Variants in PLXNA4 observed in about 807,000 individuals in gnomAD.
PLXNA4 encodes plexin-A4.
PLXNA4 carries 44 observed loss-of-function variants against 191.8 expected under a neutral mutation model. The ratio of observed to expected loss-of-function variants is 0.23; its 90% confidence interval spans 0.18 to 0.29. The LOEUF is 0.29. Among genes scored for constraint, PLXNA4 ranks in the 10% least tolerant of loss-of-function variants. The probability of loss-of-function intolerance (pLI) is 1.00; values close to 1 mark genes in which losing one functional copy is unlikely to be tolerated. For missense variants in PLXNA4, 1,800 were observed against 2,488.8 expected (o/e 0.72, Z 5.89); for synonymous variants, 1,082 against 1,009.5 (o/e 1.07, Z -1.36).
chr7:132,251,219 T>A (rs543550368), intron 4 of PLXNA4, among the ~76,000 whole-genome samples: 1 of 152,240 alleles, frequency 6.6e-6, no homozygotes, highest in Admixed American at 6.5e-5. Flanking sequence ...CACATACAAG[T>A]CACCAACCCC....
At chr7:132,138,717 A>G (rs1172228478) in intron 30 of PLXNA4, among the ~76,000 whole-genome samples, 1 of 152,160 alleles carries the variant, frequency 6.6e-6, no homozygotes, top group Non-Finnish European at 1.5e-5. Context: ...CCTAAAAATA[A>G]CCCAATGGAC....
chr7:132,555,045 GA>G (rs1554467852), intron 1 of PLXNA4, among the ~76,000 whole-genome samples: 9 of 111,920 alleles, frequency 8.0e-5, no homozygotes, highest in African/African-American at 1.1e-4. Context: ...AAACCTGAAG[GA>G]AAAAAAAAAA....
At chr7:132,536,299 C>T (rs1563157996) in intron 1 of PLXNA4, among the ~76,000 whole-genome samples, 1 of 152,154 alleles carries the variant, frequency 6.6e-6, no homozygotes, top group Non-Finnish European at 1.5e-5. Context: ...CCGTCGTTCC[C>T]TATAAGTGAC....
At position 132,481,911 on chromosome 7, in the gene PLXNA4, C is replaced by T. The variant is rs549793110; in HGVS notation, c.1371+7381G>A. On this transcript the variant is annotated intron_variant, in intron 3 of 31. Transcript: ENST00000321063. ...GTGGGTGTGGCGACTGCTTCACAGC[C>T]TCCTGTTTATCCTCTGGATTCTCTA... Among the ~76,000 whole-genome samples, 12 of 152,286 alleles carry T rather than the reference C, an allele frequency of 7.9e-5. No homozygotes were observed. The South Asian group carries it at 2.1e-3, about 26-fold the overall frequency.
At chr7:132,374,848 C>T (rs1467431312) in intron 3 of PLXNA4, among the ~76,000 whole-genome samples, 1 of 152,152 alleles carries the variant, frequency 6.6e-6, no homozygotes, top group Admixed American at 6.5e-5. Context: ...AAAAGCATTC[C>T]AGCTTTCTGC....
chr7:132,173,002 T>C (rs1796339596), intron 21 of PLXNA4, among the ~76,000 whole-genome samples: 1 of 152,190 alleles, frequency 6.6e-6, no homozygotes, highest in South Asian at 2.1e-4. Context: ...TATTCAATCA[T>C]TTACCACTTC....
intron 2 of PLXNA4, among the ~76,000 whole-genome samples, chr7:132,600,305 G>A (rs1802792389): frequency 6.6e-6 from 1 of 152,134 alleles, no homozygotes; most frequent in Non-Finnish European, 1.5e-5. Flanking sequence ...GAGATAAGAT[G>A]TCTTTGGTTA....
At chr7:132,401,200 T>A (rs950284014) in intron 3 of PLXNA4, among the ~76,000 whole-genome samples, 1 of 152,234 alleles carries the variant, frequency 6.6e-6, no homozygotes, top group Non-Finnish European at 1.5e-5. Context: ...TTTGTGATAT[T>A]GTACTATAGT....
At chr7:132,573,005 T>C (rs932970694) in intron 1 of PLXNA4, among the ~76,000 whole-genome samples, 1 of 151,454 alleles carries the variant, frequency 6.6e-6, no homozygotes, top group Non-Finnish European at 1.5e-5. Context: ...TATTGATTTC[T>C]TGGAGTGCCG....
intron 3 of PLXNA4, among the ~76,000 whole-genome samples, chr7:132,312,647 G>T (rs932518307): frequency 7.2e-5 from 11 of 152,168 alleles, no homozygotes; most frequent in Non-Finnish European, 1.5e-4. Context: ...GAAAGCATGG[G>T]TTCCAGAGGC....
chr7:132,438,887 A>T (rs1167973247), intron 3 of PLXNA4, among the ~76,000 whole-genome samples: 1 of 152,222 alleles, frequency 6.6e-6, no homozygotes, highest in East Asian at 1.9e-4. Flanking sequence ...ACAGTAAGTC[A>T]TCGATGGACT....
At chr7:132,615,927 A>ATCTCTCTC (rs370549958) in intron 2 of PLXNA4, among the ~76,000 whole-genome samples, 1,994 of 83,722 alleles carry the variant, frequency 0.024, 73 homozygotes, top group East Asian at 0.065. Flanking sequence ...CAGATAAAGG[A>ATCTCTCTC]TCTCTCTCTC....
chr7:132,608,678 C>T (rs1802988678), intron 2 of PLXNA4, among the ~76,000 whole-genome samples: 2 of 152,144 alleles, frequency 1.3e-5, no homozygotes, highest in Non-Finnish European at 2.9e-5. Flanking sequence ...TCAACCCCTC[C>T]CAGCATCCCC....
chr7:132,405,033 A>G (rs1794154160), intron 3 of PLXNA4, among the ~76,000 whole-genome samples: 1 of 150,994 alleles, frequency 6.6e-6, no homozygotes. Context: ...TTTCAGCAAA[A>G]TAATAAGAGA....
intron 16 of PLXNA4, 118 bp from the exon 17 acceptor site, chr7:132,182,308 G>A (rs1160056415): frequency 1.4e-6 from 2 of 1,467,942 alleles, no homozygotes; most frequent in African/African-American, 1.4e-5. Flanking sequence ...GCAGGGTAAT[G>A]TTCATGGGGA....
In PLXNA4 at chr7:132,543,012, G is replaced by A. The variant is rs779520084; in HGVS notation, c.-87+33410C>T. On this transcript the variant is annotated intron_variant, in intron 1 of 31. Transcript: ENST00000321063. ...GAGTCTATTATTTCTGCTGGTTCTCGGTCATGTTGACTTATTTCCTTGTGT... is the reference window on the plus strand; with the variant it reads ...GAGTCTATTATTTCTGCTGGTTCTCAGTCATGTTGACTTATTTCCTTGTGT... 2.8e-4 allele frequency among the ~76,000 whole-genome samples: 43 copies of A among 151,906 alleles called. 1 individual carries two copies. The highest frequency in any genetic ancestry group is 2.8e-3 in the Admixed American group (42 of 15,250).
intron 24 of PLXNA4, among the ~76,000 whole-genome samples, chr7:132,163,794 G>A (rs1194295911): frequency 2.6e-5 from 4 of 152,102 alleles, no homozygotes; most frequent in Admixed American, 6.5e-5. Context: ...CTGCCTGCAC[G>A]GACCTCTTCT....
intron 2 of PLXNA4, among the ~76,000 whole-genome samples, chr7:132,594,539 CTGTT>C (rs548241914): frequency 1.3e-5 from 2 of 152,352 alleles, no homozygotes; most frequent in African/African-American, 2.4e-5. Context: ...AGCTTTCAAA[CTGTT>C]TGAGTCTTGA....
At chr7:132,608,099 C>G (rs371114884) in intron 2 of PLXNA4, among the ~76,000 whole-genome samples, 1 of 28,522 alleles carries the variant, frequency 3.5e-5, no homozygotes, top group African/African-American at 1.2e-4. Flanking sequence ...ATCCTCATCA[C>G]TATCACCATC....
Sources: gnomAD v4.1 joint callset for allele counts (sites outside exome capture counted in the v4.1 genomes callset) on GRCh38, gnomAD v4.1.1 for gene constraint, MANE v1.5 for transcripts, NCBI Gene and HGNC (gene_info 2026-07-23, HGNC 2026-07-21) for gene names.